The following PIGF variants were observed in gnomAD, a reference collection of about 807,000 sequenced individuals.
PIGF encodes phosphatidylinositol glycan anchor biosynthesis class F.
A neutral mutation model predicts 26.0 loss-of-function variants in PIGF; 23 were observed. The observed-to-expected ratio is 0.88, with a 90% confidence interval of 0.64 to 1.25. The LOEUF is 1.25. Among genes scored for constraint, PIGF ranks in the 50% most tolerant of loss-of-function variants. The probability of loss-of-function intolerance (pLI) is 0.00; values close to 1 mark genes in which losing one functional copy is unlikely to be tolerated. For missense variants in PIGF, 278 were observed against 249.9 expected, an observed-to-expected ratio of 1.11 and a Z score of -0.76; for synonymous variants, 93 against 92.6, an observed-to-expected ratio of 1.00 and a Z score of -0.03.
intron 5 of PIGF, among the ~76,000 whole-genome samples, chr2:46,591,006 T>A (rs1025383058): frequency 2.6e-5 from 4 of 152,168 alleles, no homozygotes; most frequent in Non-Finnish European, 4.4e-5. Context: ...ATTTGGCAAA[T>A]GAGGTATGTA....
chr2:46,596,146 G>A (rs891444752), intron 4 of PIGF, among the ~76,000 whole-genome samples: 5 of 151,524 alleles, frequency 3.3e-5, no homozygotes, highest in Non-Finnish European at 4.4e-5. Context: ...CCCGGGAGGC[G>A]GAGGTTGTCG....
rs765355378 is a variant in PIGF, at chr2:46,581,123, C to G, written c.*355G>C. The G allele has an allele frequency of 6.3e-6, 9 of 1,427,634 alleles. No individual in the cohort carries two copies. The highest frequency in any genetic ancestry group is 2.4e-5 in the Admixed American group (1 of 41,018). The allele number at this position is 1,427,634 out of a possible 1,614,324, so 88.4% of individuals were successfully genotyped here. A position where few individuals can be genotyped will look rare whatever the true frequency, so the allele number is the denominator to read the frequency against. On this transcript the variant is annotated 3_prime_UTR_variant, in exon 6 of 6. Transcript: ENST00000281382. ...GGCCAAGGAAACTGTCCATTTCTCT[C>G]AGAAAGCAAATGAAATGCTACAGCT... is the stretch of plus-strand genomic sequence containing the variant.
chr2:46,602,457 A>G (rs1670089588), intron 4 of PIGF, among the ~76,000 whole-genome samples: 1 of 151,914 alleles, frequency 6.6e-6, no homozygotes, highest in Admixed American at 6.6e-5. Flanking sequence ...TAAAAATATT[A>G]TACAACATTT....
Position 46,581,595 on chromosome 2 carries a change from A to T in PIGF, c.547-4T>A. 6.2e-7 allele frequency: 1 copy of T among 1,610,792 alleles called. No homozygotes were observed. Among genetic ancestry groups the T allele is most frequent in the South Asian group, 1.1e-5 (1 of 90,866 alleles). ...GCGTACAGGAGATGGGCCATACCTGAGGAGAGAATGTATGAGATCAAAAAA... is the reference window on the plus strand; with the variant it reads ...GCGTACAGGAGATGGGCCATACCTGTGGAGAGAATGTATGAGATCAAAAAA... On this transcript the variant is annotated splice_region_variant and splice_polypyrimidine_tract_variant and intron_variant, in intron 5 of 5. Transcript: ENST00000281382.
At chr2:46,581,672 T>C (rs1669381780) in intron 5 of PIGF, 81 bp from the exon 6 acceptor site, 1 of 1,509,176 alleles carries the variant, frequency 6.6e-7, no homozygotes, top group Non-Finnish European at 8.9e-7. Flanking sequence ...AATATTTCTA[T>C]ATTAAAGCTT....
At chr2:46,615,834 T>A (rs147361919) in intron 1 of PIGF, 2 of 152,226 alleles carry the variant, frequency 1.3e-5, no homozygotes, top group East Asian at 3.9e-4. Flanking sequence ...GTTACAGGTG[T>A]TAAATTCCAA....
chr2:46,607,000 T>C (rs780433680), intron 4 of PIGF, among the ~76,000 whole-genome samples: 1 of 152,136 alleles, frequency 6.6e-6, no homozygotes, highest in Non-Finnish European at 1.5e-5. Flanking sequence ...AAAAAGGCAG[T>C]CACAAAAGAT....
chr2:46,594,565 C>T (rs188749997), intron 4 of PIGF, among the ~76,000 whole-genome samples: 2,226 of 148,458 alleles, frequency 0.015, 27 homozygotes, highest in Middle Eastern at 0.041. Context: ...GACGGAGTTT[C>T]GCTGTTGTTG....
intron 3 of PIGF, among the ~76,000 whole-genome samples, chr2:46,613,102 G>C (rs1377355532): frequency 6.6e-6 from 1 of 151,638 alleles, no homozygotes; most frequent in Admixed American, 6.6e-5. Flanking sequence ...GTGTGTATAT[G>C]TATATGTATC....
intron 4 of PIGF, among the ~76,000 whole-genome samples, chr2:46,610,197 A>G (rs1000196888): frequency 1.3e-5 from 2 of 152,120 alleles, no homozygotes; most frequent in Non-Finnish European, 2.9e-5. Flanking sequence ...TGTGGTTTTT[A>G]CTGCCCATTT....
At chr2:46,609,637 T>C (rs1390847017) in intron 4 of PIGF, among the ~76,000 whole-genome samples, 2 of 152,116 alleles carry the variant, frequency 1.3e-5, no homozygotes, top group Non-Finnish European at 2.9e-5. Flanking sequence ...GAGACCATAG[T>C]ATGGTTATTA....
At chr2:46,602,998 A>C (rs1023083567) in intron 4 of PIGF, among the ~76,000 whole-genome samples, 6 of 152,060 alleles carry the variant, frequency 3.9e-5, no homozygotes, top group African/African-American at 1.4e-4. Flanking sequence ...AGAACTGATA[A>C]ACAAATTGAA....
chr2:46,605,384 T>G (rs74829298), intron 4 of PIGF, among the ~76,000 whole-genome samples: 1,951 of 152,170 alleles, frequency 0.013, 49 homozygotes, highest in African/African-American at 0.045. Context: ...CCAGCCCTCC[T>G]CCATAGTTAT....
chr2:46,603,240 G>A (rs1301642608), intron 4 of PIGF, among the ~76,000 whole-genome samples: 1 of 152,056 alleles, frequency 6.6e-6, no homozygotes, highest in African/African-American at 2.4e-5. Flanking sequence ...GATATTTCAT[G>A]TTTGTGAACT....
At chr2:46,603,192 C>G (rs763007868) in intron 4 of PIGF, among the ~76,000 whole-genome samples, 1 of 151,818 alleles carries the variant, frequency 6.6e-6, no homozygotes, top group Admixed American at 6.6e-5. Context: ...CTATAAAACA[C>G]TGATGAAAGA....
chr2:46,588,129 G>T lies in PIGF; in HGVS notation c.546+4346C>A, dbSNP rs966684813. 2.5e-6 allele frequency: 4 copies of T among 1,611,834 alleles called. No individual in the cohort carries two copies. In the African/African-American group the frequency reaches 5.3e-5, roughly 22 times the overall value. On this transcript the variant is annotated intron_variant, in intron 5 of 5. Coordinates refer to ENST00000281382, the MANE Select transcript of PIGF (RefSeq NM_002643.4). The surrounding 1 kb of genome is among the most constrained non-coding windows in gnomAD (Gnocchi z 4.1). Reference sequence around the variant, plus strand: ...CTCATTTCACAGTACCAAGCCCCCTGCAGGGTACATGGAGAGATCTATAAG... The same window carrying T: ...CTCATTTCACAGTACCAAGCCCCCTTCAGGGTACATGGAGAGATCTATAAG...
In PIGF at chr2:46,589,223, G is replaced by A. The variant is rs2104071204; in HGVS notation, c.546+3252C>T. ...AAGAAAGGCTTCCTCCAACTATAAA[G>A]ATGCCTAATCTTTCATCACTTGCCA... On this transcript the variant is annotated intron_variant, in intron 5 of 5. Coordinates refer to ENST00000281382, the MANE Select transcript of PIGF (RefSeq NM_002643.4). This position sits in a 1 kb window ranked among gnomAD's most constrained non-coding sequence, Gnocchi z 4.7. 6.6e-6 allele frequency among the ~76,000 whole-genome samples: 1 copy of A among 152,088 alleles called. No homozygotes were observed. The highest frequency in any genetic ancestry group is 3.4e-3 in the Middle Eastern group (1 of 294).
rs77695949 is a variant in PIGF, at chr2:46,584,626, T to C, written c.547-3035A>G. 5.3e-5 allele frequency among the ~76,000 whole-genome samples: 8 copies of C among 152,298 alleles called. No individual in the cohort carries two copies. In the East Asian group the frequency reaches 1.5e-3, roughly 29 times the overall value. The stretch of plus-strand genomic sequence containing the variant: ...TTGGAACACTTGGTTATTCATGTTA[T>C]GTAAATCAAGAAGTGCATGCCATCA... On this transcript the variant is annotated intron_variant, in intron 5 of 5. Coordinates refer to ENST00000281382, the MANE Select transcript of PIGF (RefSeq NM_002643.4).
chr2:46,613,945 T>C (rs1278769484), intron 2 of PIGF, 160 bp from the exon 3 acceptor site: 2 of 605,916 alleles, frequency 3.3e-6, no homozygotes, highest in Admixed American at 7.4e-5. Context: ...TACCGTCACA[T>C]ACACAGCCTT....
Sources: gnomAD v4.1 joint callset for allele counts (sites outside exome capture counted in the v4.1 genomes callset) on GRCh38, gnomAD v4.1.1 for gene constraint, Gnocchi (gnomAD v3.1) non-coding constraint, MANE v1.5 for transcripts, NCBI Gene and HGNC (gene_info 2026-07-23, HGNC 2026-07-21) for gene names.